The following ZNF398 variants were observed in gnomAD, a reference collection of about 807,000 sequenced individuals.
ZNF398 encodes zinc finger protein 398.
A neutral mutation model predicts 41.9 loss-of-function variants in ZNF398; 18 were observed. The observed-to-expected ratio is 0.43, with a 90% CI of 0.30 to 0.64. The LOEUF (loss-of-function observed/expected upper bound fraction) is 0.64, where lower values mean the gene tolerates loss of function less well. ZNF398 is among the 30% of genes least tolerant of loss of function. ZNF398 has a pLI of 0.14. For synonymous variants in ZNF398, 260 were observed against 308.8 expected (o/e 0.84, Z 1.66); for missense variants, 669 against 822.8 (o/e 0.81, Z 2.29).
In ZNF398 at chr7:149,179,266, G is replaced by T; in HGVS notation, c.1394G>T (p.Ser465Ile). 1.2e-6 allele frequency: 2 copies of T among 1,613,148 alleles called. No homozygotes were observed. The highest frequency in any genetic ancestry group is 1.7e-6 in the Non-Finnish European group (2 of 1,179,990). The change falls in exon 6 of 6, where the codon AGC becomes ATC. Residue 465 changes from serine (S) to isoleucine (I), a missense_variant. Coordinates refer to ENST00000475153, the MANE Select transcript of ZNF398 (RefSeq NM_170686.3). This position sits in a 1 kb window ranked among gnomAD's most constrained non-coding sequence, Gnocchi z 6.1. The part of the protein sequence containing the change: ...FRCAQCGRSF[S>I]LKISLLLHQR... ...TGTGCCCAGTGCGGCAGGAGCTTCAGCTTGAAAATCAGCCTCCTGCTCCAC... is the reference window on the plus strand; with the variant it reads ...TGTGCCCAGTGCGGCAGGAGCTTCATCTTGAAAATCAGCCTCCTGCTCCAC...
chr7:149,155,703 ATATAT>A (rs1262061142), intron 2 of ZNF398, among the ~76,000 whole-genome samples: 225 of 31,288 alleles, frequency 7.2e-3, no homozygotes, highest in African/African-American at 0.018. Context: ...ATATATATAT[ATATAT>A]TTTTTTTTTT....
At chr7:149,126,504 G>A in exon 1 of ZNF398, 1 of 514,414 alleles carries the variant, frequency 1.9e-6, no homozygotes. Flanking sequence ...GGATCTGCAT[G>A]CGAGGGATGC....
chr7:149,144,971 TCTA>T (rs1456813383), upstream of ZNF398, among the ~76,000 whole-genome samples: 2 of 152,188 alleles, frequency 1.3e-5, no homozygotes, highest in African/African-American at 2.4e-5. Context: ...TTTTTTGTAA[TCTA>T]CTCATATTGT....
In ZNF398 at chr7:149,178,851, A is replaced by G; in HGVS notation, c.979A>G (p.Thr327Ala). The G allele has an allele frequency of 6.2e-7, 1 of 1,614,028 alleles. No individual in the cohort carries two copies. Among genetic ancestry groups the G allele is most frequent in the Non-Finnish European group, 8.5e-7 (1 of 1,179,986 alleles). ...AGCCTCTGAGGGACAAGTGACTTTT[A>G]CTCAGTTGGGTAGCTATCCCCTCCC... ...PEASEGQVTF[T>A]QLGSYPLPPP... The change falls in exon 6 of 6, where the codon ACT becomes GCT. Residue 327 changes from threonine (T) to alanine (A), a missense_variant. Thr to Ala is a moderately conservative substitution (Grantham distance 58). Around this residue, in one of 3 missense-constraint regions of ZNF398, gnomAD observed 290 missense variants for 292.9 expected, o/e 0.99. Coordinates refer to ENST00000475153, the MANE Select transcript of ZNF398 (RefSeq NM_170686.3).
chr7:149,169,336 C>T (rs1418885252), intron 4 of ZNF398, among the ~76,000 whole-genome samples: 9 of 152,114 alleles, frequency 5.9e-5, no homozygotes, highest in African/African-American at 1.9e-4. Flanking sequence ...CCACCCACCT[C>T]GGCCTCCTAA....
intron 2 of ZNF398, among the ~76,000 whole-genome samples, chr7:149,156,899 G>A (rs1176100092): frequency 6.6e-6 from 1 of 151,726 alleles, no homozygotes; most frequent in Non-Finnish European, 1.5e-5. Flanking sequence ...TTTACTGTGT[G>A]GTAATTTAGT....
At chr7:149,128,332 C>A (rs1006465950) in intron 1 of ZNF398, among the ~76,000 whole-genome samples, 1 of 152,150 alleles carries the variant, frequency 6.6e-6, no homozygotes, top group Admixed American at 6.6e-5. Context: ...ATCTGAAGAC[C>A]AGGTTCATAG....
intron 4 of ZNF398, among the ~76,000 whole-genome samples, chr7:149,171,302 T>TA: frequency 6.6e-6 from 1 of 152,038 alleles, no homozygotes; most frequent in East Asian, 1.9e-4. Flanking sequence ...GTAAAACATA[T>TA]TGTACATATA....
At chr7:149,162,424 C>T (rs552043303) in intron 2 of ZNF398, among the ~76,000 whole-genome samples, 55 of 152,176 alleles carry the variant, frequency 3.6e-4, no homozygotes, top group African/African-American at 1.3e-3. Context: ...CCTCGTGATC[C>T]GCCCGCCTCG....
chr7:149,159,231 C>T (rs979069852), intron 2 of ZNF398, among the ~76,000 whole-genome samples: 6 of 152,006 alleles, frequency 3.9e-5, no homozygotes, highest in Admixed American at 6.6e-5. Flanking sequence ...TGTGAGCCAC[C>T]GCGCCTGGCC....
chr7:149,127,204 A>C (rs1826498538), intron 1 of ZNF398, among the ~76,000 whole-genome samples: 1 of 152,146 alleles, frequency 6.6e-6, no homozygotes, highest in Non-Finnish European at 1.5e-5. Context: ...GACTGTCCCC[A>C]GAAAATCAAC....
chr7:149,166,020 A>AC (rs1795219337), intron 2 of ZNF398, 138 bp from the exon 3 acceptor site: 1 of 993,430 alleles, frequency 1.0e-6, no homozygotes, highest in Non-Finnish European at 1.5e-6. Flanking sequence ...ATTAAAAGAA[A>AC]CCATTTCAGA....
chr7:149,166,443 G>C (rs1795227364), intron 3 of ZNF398, among the ~76,000 whole-genome samples, 159 bp downstream of exon 3: 1 of 152,170 alleles, frequency 6.6e-6, no homozygotes, highest in Non-Finnish European at 1.5e-5. Flanking sequence ...TGCTAACTAG[G>C]AATCATAATC....
At chr7:149,167,841 G>C (rs932418638) in intron 4 of ZNF398, among the ~76,000 whole-genome samples, 1 of 151,810 alleles carries the variant, frequency 6.6e-6, no homozygotes, top group Non-Finnish European at 1.5e-5. Flanking sequence ...TTGATCTCCT[G>C]ACCTCGTGAT....
At position 149,179,747 on chromosome 7, in the gene ZNF398, A is replaced by G; in HGVS notation, c.1875A>G (p.Glu625=). 1.2e-6 allele frequency: 2 copies of G among 1,612,206 alleles called. No homozygotes were observed. The highest frequency in any genetic ancestry group is 8.5e-7 in the Non-Finnish European group (1 of 1,178,948). Residue 625 remains glutamate, a synonymous_variant, in exon 6 of 6, where the codon GAA becomes GAG. Coordinates refer to ENST00000475153, the MANE Select transcript of ZNF398 (RefSeq NM_170686.3). This position sits in a 1 kb window ranked among gnomAD's most constrained non-coding sequence, Gnocchi z 6.1. ...CTTCTGGCCTGGGTGTCAACACTGA[A>G]GGTCTAGAGACCAACCAGTGGTATG... ...LETSGLGVNT[E]GLETNQWYGE...
At position 149,127,571 on chromosome 7, in the gene ZNF398, G is replaced by A. The variant is rs953726144; in HGVS notation, c.-612+916G>A. Among the ~76,000 whole-genome samples, 187 of 60,614 alleles carry A rather than the reference G, an allele frequency of 3.1e-3. 1 individual carries two copies. Among genetic ancestry groups the A allele is most frequent in the African/African-American group, 7.7e-3 (175 of 22,808 alleles). The allele number at this position is 60,614 out of a possible 152,430, so 39.8% of individuals were successfully genotyped here. On this transcript the variant is annotated intron_variant, in intron 1 of 6. Transcript: ENST00000426851. The stretch of plus-strand genomic sequence containing the variant: ...TACAAAAAAAAAAAAAAAAAAAATA[G>A]CCGAGCGTTGTGGCGGGCGCCTGTA...
chr7:149,173,144 G>A (rs948222168), intron 4 of ZNF398, among the ~76,000 whole-genome samples: 13 of 116,704 alleles, frequency 1.1e-4, no homozygotes, highest in East Asian at 5.9e-4. Flanking sequence ...CTGCTCTGTC[G>A]CCCAGACTGG....
At chr7:149,127,217 C>T (rs915233765) in intron 1 of ZNF398, among the ~76,000 whole-genome samples, 1 of 152,112 alleles carries the variant, frequency 6.6e-6, no homozygotes, top group Non-Finnish European at 1.5e-5. Context: ...AAATCAACCT[C>T]GCATTCTGTC....
chr7:149,151,051 G>A (rs1057258840), intron 1 of ZNF398, among the ~76,000 whole-genome samples: 1 of 152,052 alleles, frequency 6.6e-6, no homozygotes, highest in Non-Finnish European at 1.5e-5. Context: ...AGGACAAACT[G>A]TACTAAAAGC....
Sources: gnomAD v4.1 joint callset for allele counts (sites outside exome capture counted in the v4.1 genomes callset) on GRCh38, gnomAD v4.1.1 for gene constraint, gnomAD v4.1.1 regional missense constraint, Gnocchi (gnomAD v3.1) non-coding constraint, MANE v1.5 for transcripts, NCBI Gene and HGNC (gene_info 2026-07-23, HGNC 2026-07-21) for gene names.